Variants in MYH8 observed in about 807,000 individuals in gnomAD.
The protein encoded by MYH8 is myosin heavy chain 8.
MYH8 carries 168 observed loss-of-function variants against 233.2 expected under a neutral mutation model. The observed-to-expected ratio is 0.72, with a 90% CI of 0.64 to 0.82. The LOEUF is 0.82. Among genes scored for constraint, MYH8 ranks in the 40% least tolerant of loss-of-function variants. MYH8 has a pLI of 0.00. For synonymous variants in MYH8, 785 were observed against 850.6 expected (o/e 0.92, Z 1.34); for missense variants, 1,995 against 2,327.8 (o/e 0.86, Z 2.94).
Position 10,399,680 on chromosome 17 carries a change from T to C in MYH8, c.3736-11A>G. On this transcript the variant is annotated splice_polypyrimidine_tract_variant and intron_variant, in intron 27 of 39. Transcript: ENST00000403437. ...CTTTTCAAGGTTTCCCTACAGGATA[T>C]GTAGCAATGAAAGATGAGACATTGA... 5.6e-6 allele frequency: 9 copies of C among 1,613,920 alleles called. No individual in the cohort carries two copies. Among genetic ancestry groups the C allele is most frequent in the Non-Finnish European group, 7.6e-6 (9 of 1,179,972 alleles).
rs767291696 is a variant in MYH8, at chr17:10,392,656, A to G, written c.5464-10T>C. ...CTTCAAGCTCACGTACCTGCAGCCA[A>G]GAAAAATACTTACGCAGTCAGTCTT... On this transcript the variant is annotated splice_polypyrimidine_tract_variant and intron_variant, in intron 37 of 39. Coordinates refer to ENST00000403437, the MANE Select transcript of MYH8 (RefSeq NM_002472.3). 1 of 1,614,124 alleles carries G rather than the reference A, an allele frequency of 6.2e-7. No homozygotes were observed. Among genetic ancestry groups the G allele is most frequent in the Non-Finnish European group, 8.5e-7 (1 of 1,179,964 alleles).
Position 10,396,673 on chromosome 17 carries a change from G to T in MYH8, c.4408C>A (p.Leu1470Ile). 1 of 1,614,244 alleles carries T rather than the reference G, an allele frequency of 6.2e-7. No homozygotes were observed. The highest frequency in any genetic ancestry group is 8.5e-7 in the Non-Finnish European group (1 of 1,180,054). ...CGTGACTCCTTCTGGGAGGCCTCAA[G>T]TTCAGCCTGAGTTTCCTCATACTTC... ...KQKYEETQAE[L>I]EASQKESRSL... The change falls in exon 32 of 40, where the codon CTT becomes ATT. Residue 1470 changes from leucine (L) to isoleucine (I), a missense_variant. This residue lies in a region of MYH8 where 1,498 missense variants were observed against 1,680.9 expected (regional missense o/e 0.89). Coordinates refer to ENST00000403437, the MANE Select transcript of MYH8 (RefSeq NM_002472.3). This position sits in a 1 kb window ranked among gnomAD's most constrained non-coding sequence, Gnocchi z 4.2.
Position 10,398,579 on chromosome 17 carries a change from T to A in MYH8, c.4043A>T (p.Glu1348Val). The A allele has an allele frequency of 6.2e-7, 1 of 1,614,162 alleles. No homozygotes were observed. Among genetic ancestry groups the A allele is most frequent in the South Asian group, 1.1e-5 (1 of 91,084 alleles). The change falls in exon 30 of 40, where the codon GAA becomes GTA. Residue 1348 changes from glutamate (E) to valine (V), a missense_variant. Glu to Val is a moderately radical substitution (Grantham distance 121). Around this residue, in one of 3 missense-constraint regions of MYH8, gnomAD observed 1,498 missense variants for 1,680.9 expected, o/e 0.89. Transcript: ENST00000403437. ...SSRHDCDLLR[E>V]QYEEEQEGKA... ...GCCTTCCTGCTCTTCCTCATACTGT[T>A]CCCGCAGCAGGTCGCAGTCATGGCG...
Position 10,415,541 on chromosome 17 carries a change from A to G in MYH8, c.579T>C (p.Arg193=). ...CAATTGTTGCAAAGTATTGGATGACACGCTTGGTGTTCACAGTCTTTCCGG... is the reference window on the plus strand; with the variant it reads ...CAATTGTTGCAAAGTATTGGATGACGCGCTTGGTGTTCACAGTCTTTCCGG... The part of the protein sequence containing the change: ...SGAGKTVNTK[R]VIQYFATIAV... The change falls in exon 7 of 40, where the codon CGT becomes CGC. Residue 193 remains arginine (R), a synonymous_variant. Transcript: ENST00000403437. This position sits in a 1 kb window ranked among gnomAD's most constrained non-coding sequence, Gnocchi z 4.1. The G allele has an allele frequency of 6.2e-7, 1 of 1,614,218 alleles. No individual in the cohort carries two copies. The highest frequency in any genetic ancestry group is 2.2e-5 in the East Asian group (1 of 44,886).
In MYH8 at chr17:10,415,495, T is replaced by C. The variant is rs144897535; in HGVS notation, c.625A>G (p.Lys209Glu). 1.2e-6 allele frequency: 2 copies of C among 1,614,054 alleles called. No individual in the cohort carries two copies. The highest frequency in any genetic ancestry group is 2.2e-5 in the South Asian group (2 of 91,082). The change falls in exon 7 of 40, where the codon AAG becomes GAG. Residue 209 changes from lysine to glutamate, a missense_variant. This residue lies in a region of MYH8 where 479 missense variants were observed against 600.9 expected (regional missense o/e 0.80). Coordinates refer to ENST00000403437, the MANE Select transcript of MYH8 (RefSeq NM_002472.3). This position sits in a 1 kb window ranked among gnomAD's most constrained non-coding sequence, Gnocchi z 4.1. ...ACCTGCATTTTGCCAGATTCATCCT[T>C]CTTCTTCTCTCCAGTAACTGCAATT... ...ATIAVTGEKK[K>E]DESGKMQGTL...
intron 15 of MYH8, among the ~76,000 whole-genome samples, chr17:10,410,563 G>A (rs767897666): frequency 1.3e-5 from 2 of 152,226 alleles, no homozygotes; most frequent in African/African-American, 2.4e-5. Flanking sequence ...ATTTGATCCA[G>A]TGTCAGAATA....
At chr17:10,398,909 A>G in intron 28 of MYH8, 23 bp from the exon 29 acceptor site, 1 of 1,575,672 alleles carries the variant, frequency 6.3e-7, no homozygotes, top group Non-Finnish European at 8.7e-7. Flanking sequence ...GACATAAGGG[A>G]ATTTTTTACT....
Position 10,406,073 on chromosome 17 carries a change from C to A in MYH8, c.2400G>T (p.Met800Ile), listed in dbSNP as rs1162716520. The change falls in exon 21 of 40, where the codon ATG becomes ATT. Residue 800 changes from methionine (M) to isoleucine (I), a missense_variant. Transcript: ENST00000403437. The stretch of plus-strand genomic sequence containing the variant: ...GCAACATCTTCTGATATTCTACCCT[C>A]ATTAGGAATCCCCTACAGACAGCTT... ...RTQAVCRGFL[M>I]RVEYQKMLQR... The A allele has an allele frequency of 1.2e-6, 2 of 1,613,964 alleles. No homozygotes were observed.
rs377112464 is a variant in MYH8 at position 10,400,841 on chromosome 17, C to G, written c.3345+28G>C. 3 of 1,613,530 alleles carry G rather than the reference C, an allele frequency of 1.9e-6. No individual in the cohort carries two copies. The African/African-American group carries it at 4.0e-5, about 22-fold the overall frequency. Reference sequence around the variant, plus strand: ...TCAACTTCAGTGTTTTTTTGGTGTGCAGAAAAAATAGAGGTGAGATGACTC... The same window carrying G: ...TCAACTTCAGTGTTTTTTTGGTGTGGAGAAAAAATAGAGGTGAGATGACTC... On this transcript the variant is annotated intron_variant, in intron 26 of 39. Transcript: ENST00000403437. This position sits in a 1 kb window ranked among gnomAD's most constrained non-coding sequence, Gnocchi z 4.0.
At chr17:10,398,966 GTATA>G in intron 28 of MYH8, 80 bp from the exon 29 acceptor site, 1 of 712,894 alleles carries the variant, frequency 1.4e-6, no homozygotes, top group Non-Finnish European at 2.4e-6. Flanking sequence ...ATGTGTGTGT[GTATA>G]TATATATGTA....
At position 10,412,419 on chromosome 17, in the gene MYH8, C is replaced by G. The variant is rs2072251079; in HGVS notation, c.1367G>C (p.Arg456Thr). ...INQQLDTKQPRQYFIGVLDIA... is the reference protein window; with the variant it reads ...INQQLDTKQPTQYFIGVLDIA... ...GTCCAAGACCCCGATGAAGTACTGC[C>G]TGGGCTGCTTGGTGTCCAGCTGCTG... The change falls in exon 14 of 40, where the codon AGG (arginine) becomes ACG (threonine). Residue 456 changes from arginine (R) to threonine (T), a missense_variant. By Grantham distance (71) the Arg-to-Thr change is moderately conservative. Transcript: ENST00000403437. 1.9e-6 allele frequency: 3 copies of G among 1,614,236 alleles called. No individual in the cohort carries two copies. The highest frequency in any genetic ancestry group is 2.5e-6 in the Non-Finnish European group (3 of 1,180,050).
At chr17:10,413,785 T>C in intron 12 of MYH8, 117 bp downstream of exon 12, 2 of 1,422,880 alleles carry the variant, frequency 1.4e-6, no homozygotes, top group South Asian at 2.3e-5. Flanking sequence ...TGTGTGTAAA[T>C]GTGTATATGC....
Position 10,401,370 on chromosome 17 carries a change from T to C in MYH8, c.3013A>G (p.Thr1005Ala), listed in dbSNP as rs2072140087. 1 of 1,614,116 alleles carries C rather than the reference T, an allele frequency of 6.2e-7. No individual in the cohort carries two copies. The highest frequency in any genetic ancestry group is 8.5e-7 in the Non-Finnish European group (1 of 1,180,022). ...LSKEKKALQE[T>A]HQQTLDDLQA... ...AGGTCATCCAGGGTCTGCTGGTGGG[T>C]CTCTTGGAGAGCCTTCTTCTCCTTG... Residue 1005 changes from threonine (T) to alanine (A), a missense_variant, in exon 24 of 40, where the codon ACC becomes GCC. Thr to Ala is a moderately conservative substitution (Grantham distance 58). This residue lies in a region of MYH8 where 1,498 missense variants were observed against 1,680.9 expected (regional missense o/e 0.89). Transcript: ENST00000403437.
intron 2 of MYH8, among the ~76,000 whole-genome samples, chr17:10,420,942 G>C (rs565343906): frequency 6.6e-6 from 1 of 152,286 alleles, no homozygotes; most frequent in African/African-American, 2.4e-5. Context: ...AGAGGAATGA[G>C]AGCTTCAGCA....
chr17:10,399,630 C>G lies in MYH8; in HGVS notation c.3775G>C (p.Val1259Leu). 6.2e-7 allele frequency: 1 copy of G among 1,614,148 alleles called. No individual in the cohort carries two copies. Among genetic ancestry groups the G allele is most frequent in the South Asian group, 1.1e-5 (1 of 91,080 alleles). Reference protein sequence around the residue: ...EKMCRSLEDQVSELKTKEEEQ... With the variant: ...EKMCRSLEDQLSELKTKEEEQ... The stretch of plus-strand genomic sequence containing the variant: ...TCTTCCTTGGTCTTAAGCTCACTCA[C>G]TTGATCTTCTAGAGAGCGGCACATC... The change falls in exon 28 of 40, where the codon GTG becomes CTG. Residue 1259 changes from valine to leucine, a missense_variant. Val to Leu is a conservative substitution (Grantham distance 32). Coordinates refer to ENST00000403437, the MANE Select transcript of MYH8 (RefSeq NM_002472.3).
At chr17:10,398,937 A>G in intron 28 of MYH8, 51 bp from the exon 29 acceptor site, 1 of 1,277,048 alleles carries the variant, frequency 7.8e-7, no homozygotes. Flanking sequence ...AAATAAGCCT[A>G]AACCTTTTAC....
Position 10,404,323 on chromosome 17 carries a change from T to C in MYH8, c.2688+7A>G, listed in dbSNP as rs1163494166. ...AACATGGTGCATTCAGAATATGGAG[T>C]ACTCACAGATTGAACCTGGAGTTGC... On this transcript the variant is annotated splice_region_variant and intron_variant, in intron 22 of 39. Transcript: ENST00000403437. 1 of 1,613,936 alleles carries C rather than the reference T, an allele frequency of 6.2e-7. No homozygotes were observed. The highest frequency in any genetic ancestry group is 8.5e-7 in the Non-Finnish European group (1 of 1,179,846).
chr17:10,398,491 T>G lies in MYH8; in HGVS notation c.4131A>C (p.Lys1377Asn), dbSNP rs1359128255. The change falls in exon 30 of 40, where the codon AAA (lysine) becomes AAC (asparagine). Residue 1377 changes from lysine to asparagine, a missense_variant. Around this residue, in one of 3 missense-constraint regions of MYH8, gnomAD observed 1,498 missense variants for 1,680.9 expected, o/e 0.89. Transcript: ENST00000403437. ...ANSEVAQWRTKYETDAIQRTE... is the reference protein window; with the variant it reads ...ANSEVAQWRTNYETDAIQRTE... Reference sequence around the variant, plus strand: ...TGCGCTGGATGGCATCCGTCTCGTATTTGGTTCTCCACTGGGCAACCTCAC... The same window carrying G: ...TGCGCTGGATGGCATCCGTCTCGTAGTTGGTTCTCCACTGGGCAACCTCAC... The G allele has an allele frequency of 3.7e-6, 6 of 1,613,908 alleles. No individual in the cohort carries two copies. The highest frequency in any genetic ancestry group is 5.1e-6 in the Non-Finnish European group (6 of 1,179,928).
At chr17:10,420,393 T>C in intron 2 of MYH8, 136 bp from the exon 3 acceptor site, 2 of 773,158 alleles carry the variant, frequency 2.6e-6, no homozygotes, top group South Asian at 3.1e-5. Context: ...CCCAGTGTTC[T>C]AACATAGTCT....
Sources: gnomAD v4.1 joint callset for allele counts (sites outside exome capture counted in the v4.1 genomes callset) on GRCh38, gnomAD v4.1.1 for gene constraint, gnomAD v4.1.1 regional missense constraint, Gnocchi (gnomAD v3.1) non-coding constraint, MANE v1.5 for transcripts, NCBI Gene and HGNC (gene_info 2026-07-23, HGNC 2026-07-21) for gene names.